Variants in NUP160 observed in about 807,000 individuals in gnomAD.
The protein encoded by NUP160 is nuclear pore complex protein Nup160.
A neutral mutation model predicts 196.9 loss-of-function variants in NUP160; 94 were observed. The observed-to-expected ratio is 0.48, with a 90% CI of 0.40 to 0.57. The LOEUF is 0.57. NUP160 is among the 20% of genes least tolerant of loss of function. The pLI is 0.00. For synonymous variants in NUP160, 605 were observed against 619.7 expected (o/e 0.98, Z 0.35); for missense variants, 1,638 against 1,748.3 (o/e 0.94, Z 1.13).
At chr11:47,848,313 C>T in exon 1 of NUP160, 6 of 1,614,010 alleles carry the variant, frequency 3.7e-6, no homozygotes, top group South Asian at 1.1e-5. Context: ...CTCCCGCCGC[C>T]GCCATCTTCC....
At chr11:47,846,597 T>A (rs1852406802) in intron 2 of NUP160, among the ~76,000 whole-genome samples, 1 of 152,170 alleles carries the variant, frequency 6.6e-6, no homozygotes, top group Non-Finnish European at 1.5e-5. Flanking sequence ...TCCAAAGGTA[T>A]CTTGAATCCA....
chr11:47,830,561 A>G (rs1037022846), intron 7 of NUP160, among the ~76,000 whole-genome samples: 3 of 152,250 alleles, frequency 2.0e-5, no homozygotes. Context: ...TTGTGGAAAC[A>G]TGGATGGAAG....
chr11:47,838,553 C>A (rs1185056694), intron 4 of NUP160, among the ~76,000 whole-genome samples: 1 of 151,770 alleles, frequency 6.6e-6, no homozygotes, highest in Non-Finnish European at 1.5e-5. Context: ...ACTAAAAATT[C>A]AAAAATTAGC....
intron 11 of NUP160, among the ~76,000 whole-genome samples, chr11:47,817,149 A>G (rs962002789): frequency 1.3e-5 from 2 of 149,202 alleles, no homozygotes; most frequent in African/African-American, 2.5e-5. Flanking sequence ...CTATTTTTCT[A>G]TTATTATTAT....
intron 1 of NUP160, 117 bp from the exon 2 acceptor site, chr11:47,848,076 C>T (rs887558140): frequency 1.2e-5 from 15 of 1,262,996 alleles, no homozygotes; most frequent in Middle Eastern, 1.9e-4. Context: ...AAGAGGAAAA[C>T]GTCGGACATC....
At chr11:47,780,229 A>C in intron 35 of NUP160, 114 bp downstream of exon 35, 1 of 741,220 alleles carries the variant, frequency 1.3e-6, no homozygotes, top group Non-Finnish European at 2.3e-6. Context: ...GTTAAGGGCC[A>C]AAAATAGGCT....
At chr11:47,815,304 T>A in intron 13 of NUP160, 175 bp downstream of exon 13, 2 of 430,344 alleles carry the variant, frequency 4.6e-6, no homozygotes, top group South Asian at 1.6e-4. Flanking sequence ...TTTAAATGAA[T>A]GAATCACAAT....
At chr11:47,792,720 C>A in intron 28 of NUP160, 66 bp downstream of exon 28, 2 of 1,406,014 alleles carry the variant, frequency 1.4e-6, no homozygotes, top group East Asian at 2.5e-5. Context: ...TTTGAAAGGA[C>A]CAAAACAAGT....
At chr11:47,819,493 A>G in intron 9 of NUP160, 35 bp from the exon 10 acceptor site, 1 of 1,461,504 alleles carries the variant, frequency 6.8e-7, no homozygotes, top group South Asian at 1.1e-5. Context: ...TTATACAGAA[A>G]TGATCACTAA....
chr11:47,800,693 G>T (rs746368918), intron 23 of NUP160, among the ~76,000 whole-genome samples: 3 of 151,956 alleles, frequency 2.0e-5, no homozygotes, highest in Admixed American at 1.3e-4. Context: ...TCCGGCCAAG[G>T]GTTATTAAGA....
chr11:47,812,872 T>G lies in NUP160; in HGVS notation c.1952+10A>C, dbSNP rs200466756. On this transcript the variant is annotated intron_variant, in intron 15 of 35. Coordinates refer to ENST00000378460, the Ensembl canonical transcript of NUP160. ...CATTAGGAAATGCACTTTACCCTAA[T>G]TCTCCTTACACATCAATAGTGATCA... is the stretch of plus-strand genomic sequence containing the variant. 4,915 of 1,595,282 alleles carry G rather than the reference T, an allele frequency of 3.1e-3. 19 individuals are homozygous for G. The highest frequency in any genetic ancestry group is 3.7e-3 in the Non-Finnish European group (4,355 of 1,174,394).
chr11:47,847,058 C>T (rs753781021), intron 2 of NUP160, among the ~76,000 whole-genome samples: 6 of 152,190 alleles, frequency 3.9e-5, no homozygotes, highest in Non-Finnish European at 5.9e-5. Flanking sequence ...AAGGGTCCCT[C>T]ATGGTCCGAG....
At chr11:47,825,590 T>C (rs1245491055) in intron 7 of NUP160, among the ~76,000 whole-genome samples, 1 of 151,722 alleles carries the variant, frequency 6.6e-6, no homozygotes, top group Admixed American at 6.6e-5. Context: ...GTAGTTGGGA[T>C]TTACAGGCAC....
intron 32 of NUP160, among the ~76,000 whole-genome samples, 175 bp from the exon 33 acceptor site, chr11:47,785,238 T>C (rs574848506): frequency 2.2e-4 from 33 of 151,942 alleles, no homozygotes; most frequent in African/African-American, 7.7e-4. Flanking sequence ...CCCCAGATTC[T>C]CCCATTTCAG....
At chr11:47,843,015 A>C (rs1599351906) in intron 2 of NUP160, among the ~76,000 whole-genome samples, 1 of 151,950 alleles carries the variant, frequency 6.6e-6, no homozygotes, top group African/African-American at 2.4e-5. Context: ...CAAATGAATA[A>C]ACAATATCCA....
chr11:47,812,758 G>A, intron 15 of NUP160, 124 bp downstream of exon 15: 1 of 695,160 alleles, frequency 1.4e-6, no homozygotes, highest in African/African-American at 1.8e-5. Flanking sequence ...TTAGAATCAT[G>A]GCGCATCAGT....
chr11:47,780,670 G>A (rs557796255), intron 34 of NUP160, among the ~76,000 whole-genome samples: 1 of 151,672 alleles, frequency 6.6e-6, no homozygotes, highest in East Asian at 2.0e-4. Context: ...TTGAGTAGCT[G>A]GACTACAGAT....
intron 13 of NUP160, 158 bp downstream of exon 13, chr11:47,815,321 G>T: frequency 4.6e-6 from 2 of 437,278 alleles, no homozygotes; most frequent in Non-Finnish European, 7.9e-6. Context: ...CAATTTTAGG[G>T]GAAAAAATAC....
intron 33 of NUP160, among the ~76,000 whole-genome samples, 178 bp from the exon 34 acceptor site, chr11:47,783,376 G>GA (rs374318157): frequency 0.037 from 5,392 of 145,392 alleles, 288 homozygotes; most frequent in African/African-American, 0.12. Flanking sequence ...GGGGAGTTAG[G>GA]AAAAAAAAAA....
Sources: gnomAD v4.1 joint callset for allele counts (sites outside exome capture counted in the v4.1 genomes callset) on GRCh38, gnomAD v4.1.1 for gene constraint, MANE v1.5 for transcripts, NCBI Gene and HGNC (gene_info 2026-07-23, HGNC 2026-07-21) for gene names.